IFT80: variants seen among roughly 807,000 people sequenced by gnomAD.
The protein encoded by IFT80 is intraflagellar transport protein 80 homolog.
IFT80 carries 79 observed loss-of-function variants against 107.9 expected under a neutral mutation model. That is an observed-to-expected ratio of 0.73 (90% CI 0.61 to 0.88). The LOEUF (loss-of-function observed/expected upper bound fraction) is 0.88. IFT80 is among the 40% of genes least tolerant of loss of function. The pLI is 0.00. For synonymous variants in IFT80, 299 were observed against 300.9 expected (o/e 0.99, Z 0.07); for missense variants, 797 against 914.2 (o/e 0.87, Z 1.65).
intron 4 of IFT80, among the ~76,000 whole-genome samples, chr3:160,377,078 G>A (rs929203684): frequency 2.6e-5 from 4 of 152,174 alleles, no homozygotes; most frequent in African/African-American, 4.8e-5. Context: ...AATGTAATAG[G>A]TTGAATCATT....
At chr3:160,371,129 G>A (rs1711507948) in intron 5 of IFT80, among the ~76,000 whole-genome samples, 2 of 151,940 alleles carry the variant, frequency 1.3e-5, no homozygotes, top group African/African-American at 2.4e-5. Context: ...TCCTTCACAC[G>A]GCCTACACTC....
chr3:160,280,924 G>A lies in IFT80; in HGVS notation c.1517-110C>T, dbSNP rs1049473425. 1.1e-5 allele frequency: 10 copies of A among 915,052 alleles called. No homozygotes were observed. In the African/African-American group the frequency reaches 1.3e-4, roughly 12 times the overall value. 56.7% of individuals were successfully genotyped at this position (915,052 alleles called of 1,614,324 possible). ...ATCCCATACAATTTCTGGTAGATAT[G>A]ACTCTACTTTCTGATTCTATAATGG... is the stretch of plus-strand genomic sequence containing the variant. On this transcript the variant is annotated intron_variant, in intron 14 of 19. Transcript: ENST00000326448.
intron 6 of IFT80, among the ~76,000 whole-genome samples, chr3:160,363,165 C>T (rs1559961885): frequency 2.0e-5 from 3 of 152,172 alleles, no homozygotes; most frequent in South Asian, 4.1e-4. Flanking sequence ...CCAACTTCAG[C>T]AAAGTCTCAG....
chr3:160,312,002 C>T (rs554864354), intron 9 of IFT80, among the ~76,000 whole-genome samples: 1 of 152,142 alleles, frequency 6.6e-6, no homozygotes, highest in Non-Finnish European at 1.5e-5. Context: ...AGGATGGCCT[C>T]GATCTCCTGA....
intron 10 of IFT80, among the ~76,000 whole-genome samples, chr3:160,304,528 C>G (rs1716691960): frequency 6.6e-6 from 1 of 151,534 alleles, no homozygotes; most frequent in African/African-American, 2.4e-5. Context: ...CTCCTCTTCC[C>G]AGGTTCACGC....
chr3:160,273,606 A>C (rs1289252501), intron 18 of IFT80, among the ~76,000 whole-genome samples: 1 of 152,176 alleles, frequency 6.6e-6, no homozygotes, highest in African/African-American at 2.4e-5. Flanking sequence ...AGGCTGGAGG[A>C]GGACCAGGTT....
At chr3:160,298,445 TTACA>T (rs1360319960) in intron 12 of IFT80, among the ~76,000 whole-genome samples, 45 of 152,282 alleles carry the variant, frequency 3.0e-4, no homozygotes, top group African/African-American at 9.4e-4. Flanking sequence ...TAACAAAAAC[TTACA>T]TAAGTAAAAC....
intron 3 of IFT80, among the ~76,000 whole-genome samples, chr3:160,379,827 T>C (rs1191717284): frequency 3.3e-5 from 5 of 152,186 alleles, no homozygotes; most frequent in African/African-American, 4.8e-5. Flanking sequence ...ATTTTACACA[T>C]GTATCTCATT....
intron 2 of IFT80, chr3:160,383,578 T>C (rs1450925825): frequency 1.2e-6 from 1 of 833,352 alleles, no homozygotes; most frequent in Non-Finnish European, 1.4e-6. Context: ...AAATTGGACA[T>C]TATAACAATG....
intron 8 of IFT80, among the ~76,000 whole-genome samples, chr3:160,334,538 T>C (rs1719320035): frequency 1.3e-5 from 2 of 151,524 alleles, no homozygotes; most frequent in South Asian, 4.2e-4. Flanking sequence ...TGCCTCAGCC[T>C]CCAGAGTAGC....
Position 160,306,585 on chromosome 3 carries a change from GAA to G in IFT80, c.1076+1076_1076+1077del. Among the ~76,000 whole-genome samples the G allele has an allele frequency of 2.0e-5, 3 of 149,802 alleles. No individual in the cohort carries two copies. The Middle Eastern group carries it at 0.01, about 513-fold the overall frequency. ...TGTTCCTCTTTTGCTCTCATGTAAG[GAA>G]AAAAAAAAACTCACATAAAATTAAA... On this transcript the variant is annotated intron_variant, in intron 10 of 19. Coordinates refer to ENST00000326448, the MANE Select transcript of IFT80 (RefSeq NM_020800.3).
chr3:160,290,020 T>C (rs968105126), intron 12 of IFT80, among the ~76,000 whole-genome samples: 2 of 152,112 alleles, frequency 1.3e-5, no homozygotes, highest in Non-Finnish European at 2.9e-5. Context: ...ACTGGAGAGT[T>C]TGAACAGACT....
intron 6 of IFT80, among the ~76,000 whole-genome samples, chr3:160,361,321 G>C (rs963789566): frequency 6.6e-5 from 10 of 152,138 alleles, no homozygotes; most frequent in African/African-American, 2.4e-4. Context: ...AACAAGAAGA[G>C]CTAACTATCC....
At chr3:160,307,615 G>T in intron 10 of IFT80, 48 bp downstream of exon 10, 1 of 1,013,494 alleles carries the variant, frequency 9.9e-7, no homozygotes, top group Non-Finnish European at 1.6e-6. Flanking sequence ...AAACTCCTCA[G>T]CACAGACAGA....
intron 15 of IFT80, among the ~76,000 whole-genome samples, chr3:160,279,919 C>T (rs1714555188): frequency 6.6e-6 from 1 of 152,068 alleles, no homozygotes; most frequent in Non-Finnish European, 1.5e-5. Context: ...GTGACCTTGA[C>T]TCTAAAAATA....
At chr3:160,312,939 TA>T (rs1425475333) in intron 9 of IFT80, among the ~76,000 whole-genome samples, 692 of 50,928 alleles carry the variant, frequency 0.014, 106 homozygotes, top group African/African-American at 0.051. Flanking sequence ...ATATAATATA[TA>T]ATAAATATAT....
At chr3:160,271,496 T>A (rs1713803641) in intron 18 of IFT80, among the ~76,000 whole-genome samples, 1 of 152,156 alleles carries the variant, frequency 6.6e-6, no homozygotes, top group African/African-American at 2.4e-5. Context: ...TTTCTACCTC[T>A]CTTAACTTCA....
In IFT80 at chr3:160,258,407, C is replaced by A; in HGVS notation, c.*118G>T. On this transcript the variant is annotated 3_prime_UTR_variant, in exon 20 of 20. Transcript: ENST00000326448. ...ATGTACTTTTACACTAAATACACAG[C>A]AAGTACTTATACTCGGTTAAAGATT... The A allele has an allele frequency of 8.3e-7, 1 of 1,200,388 alleles. No homozygotes were observed. Among genetic ancestry groups the A allele is most frequent in the Non-Finnish European group, 1.2e-6 (1 of 835,078 alleles). 74.4% of individuals were successfully genotyped at this position (1,200,388 alleles called of 1,614,324 possible). A position where few individuals can be genotyped will look rare whatever the true frequency, so the allele number is the denominator to read the frequency against.
intron 3 of IFT80, among the ~76,000 whole-genome samples, chr3:160,378,784 C>T (rs192971310): frequency 6.6e-6 from 1 of 151,374 alleles, no homozygotes; most frequent in East Asian, 1.9e-4. Flanking sequence ...CTAATCTGAC[C>T]CCAAAAAAAC....
Sources: allele counts gnomAD v4.1 joint callset (sites outside exome capture counted in the v4.1 genomes callset), GRCh38; gene constraint gnomAD v4.1.1; transcripts MANE v1.5; gene names NCBI Gene and HGNC (gene_info 2026-07-23, HGNC 2026-07-21).